The following CNGA1 variants were observed in gnomAD, a reference collection of about 807,000 sequenced individuals.
CNGA1 encodes the protein cyclic nucleotide gated channel subunit alpha 1.
Under a neutral mutation model 69.7 loss-of-function variants are expected in CNGA1, and 53 were observed. That is an observed-to-expected ratio of 0.76 (90% CI 0.61 to 0.96). The LOEUF is 0.96. Among genes scored for constraint, CNGA1 ranks in the 40% least tolerant of loss-of-function variants. The pLI is 0.00. For synonymous variants in CNGA1, 249 were observed against 283.5 expected (o/e 0.88, Z 1.22); for missense variants, 739 against 811.2 (o/e 0.91, Z 1.08).
At chr4:47,974,857 T>G (rs963218814) in intron 3 of CNGA1, among the ~76,000 whole-genome samples, 1 of 152,194 alleles carries the variant, frequency 6.6e-6, no homozygotes, top group Non-Finnish European at 1.5e-5. Flanking sequence ...CCCTAGCTCT[T>G]TAGCAAATTA....
chr4:47,980,713 A>T (rs1741661395), intron 3 of CNGA1, among the ~76,000 whole-genome samples: 1 of 151,998 alleles, frequency 6.6e-6, no homozygotes, highest in South Asian at 2.1e-4. Context: ...GGGCTCAAGG[A>T]TCTACCTACT....
chr4:47,954,905 C>T (rs1397795866), intron 3 of CNGA1, among the ~76,000 whole-genome samples: 1 of 152,108 alleles, frequency 6.6e-6, no homozygotes, highest in Non-Finnish European at 1.5e-5. Flanking sequence ...ACTCCATGGG[C>T]CCAGGGACCT....
intron 2 of CNGA1, among the ~76,000 whole-genome samples, chr4:47,991,818 T>C (rs1203557763): frequency 2.0e-5 from 3 of 152,214 alleles, no homozygotes; most frequent in African/African-American, 7.2e-5. Context: ...TTTAAGTCTT[T>C]AATCCATCTT....
At chr4:47,982,912 C>A (rs1327701788) in intron 2 of CNGA1, among the ~76,000 whole-genome samples, 1 of 152,160 alleles carries the variant, frequency 6.6e-6, no homozygotes, top group African/African-American at 2.4e-5. Flanking sequence ...TCAAGCAATT[C>A]TCCTGCCTCA....
intron 2 of CNGA1, among the ~76,000 whole-genome samples, chr4:48,002,683 CAA>C (rs34405949): frequency 0.53 from 61,798 of 117,232 alleles, 16,256 homozygotes; most frequent in Non-Finnish European, 0.66. Flanking sequence ...GTCAGACATG[CAA>C]AAAAAAAAAA....
intron 3 of CNGA1, among the ~76,000 whole-genome samples, chr4:47,964,531 C>T (rs1740623041): frequency 1.3e-5 from 2 of 151,824 alleles, no homozygotes; most frequent in East Asian, 3.9e-4. Flanking sequence ...AATATTTTCC[C>T]CACTTGTTTT....
chr4:47,996,135 G>A (rs1054140286), intron 2 of CNGA1, among the ~76,000 whole-genome samples: 2 of 152,124 alleles, frequency 1.3e-5, no homozygotes, highest in African/African-American at 4.8e-5. Flanking sequence ...TCATTCTGGT[G>A]CAAAAATTCA....
intron 10 of CNGA1, among the ~76,000 whole-genome samples, chr4:47,938,691 C>G (rs953170836): frequency 6.6e-5 from 10 of 152,048 alleles, no homozygotes; most frequent in Non-Finnish European, 1.3e-4. Flanking sequence ...GAGCGCGGCC[C>G]TAAGTCCATC....
chr4:47,993,248 G>A (rs1181692865), intron 2 of CNGA1, among the ~76,000 whole-genome samples: 4 of 152,090 alleles, frequency 2.6e-5, no homozygotes, highest in Middle Eastern at 3.2e-3. Context: ...TTGTGGAATA[G>A]TGTCAGTAGA....
At chr4:47,939,222 G>C (rs542646590) in intron 10 of CNGA1, among the ~76,000 whole-genome samples, 1 of 152,276 alleles carries the variant, frequency 6.6e-6, no homozygotes, top group Admixed American at 6.5e-5. Flanking sequence ...ACTGGAGACT[G>C]AGTTAATAGT....
intron 3 of CNGA1, among the ~76,000 whole-genome samples, chr4:47,977,108 G>T (rs1290285971): frequency 6.6e-6 from 1 of 152,194 alleles, no homozygotes; most frequent in Non-Finnish European, 1.5e-5. Flanking sequence ...GGTGTTACAG[G>T]CTGAATTGTG....
At chr4:47,983,496 C>T (rs1387305831) in intron 2 of CNGA1, among the ~76,000 whole-genome samples, 5 of 151,620 alleles carry the variant, frequency 3.3e-5, no homozygotes, top group South Asian at 2.1e-4. Context: ...AGGCTGAGGT[C>T]GGAGAATCAC....
At chr4:47,991,152 CT>C (rs1742247245) in intron 2 of CNGA1, among the ~76,000 whole-genome samples, 1 of 152,062 alleles carries the variant, frequency 6.6e-6, no homozygotes, top group Non-Finnish European at 1.5e-5. Flanking sequence ...ATAACAACTT[CT>C]TTTCCCCTGG....
chr4:47,975,978 C>T (rs1041187734), intron 3 of CNGA1, among the ~76,000 whole-genome samples: 2 of 150,928 alleles, frequency 1.3e-5, no homozygotes, highest in Non-Finnish European at 3.0e-5. Context: ...TAGGGTTCCT[C>T]ACCCCAATAT....
chr4:48,004,845 C>T (rs1714843725), intron 2 of CNGA1, among the ~76,000 whole-genome samples: 1 of 137,304 alleles, frequency 7.3e-6, no homozygotes, highest in African/African-American at 2.8e-5. Context: ...GCTTAGTTTT[C>T]AGTGACTCCA....
chr4:47,938,210 A>G (rs935442268), intron 10 of CNGA1, among the ~76,000 whole-genome samples: 1 of 151,774 alleles, frequency 6.6e-6, no homozygotes, highest in African/African-American at 2.4e-5. Context: ...AAAAAGAAAA[A>G]TTTTGTAAGT....
chr4:47,958,203 T>C (rs1352143753), intron 3 of CNGA1, among the ~76,000 whole-genome samples: 1 of 152,182 alleles, frequency 6.6e-6, no homozygotes, highest in African/African-American at 2.4e-5. Flanking sequence ...GTAATTTTTA[T>C]ATACACCTCT....
rs1715387577 is a variant in CNGA1, at chr4:48,016,484, T to G, written c.-224A>C. ...ACTCCACTCAATTCCCGGAGTTACCTTGGCGGGCTCCACGCTCCGAGAGAC... is the reference window on the plus strand; with the variant it reads ...ACTCCACTCAATTCCCGGAGTTACCGTGGCGGGCTCCACGCTCCGAGAGAC... On this transcript the variant is annotated splice_region_variant and 5_prime_UTR_variant, in exon 1 of 11. Coordinates refer to ENST00000514170, the MANE Select transcript of CNGA1 (RefSeq NM_001379270.1). 3.0e-6 allele frequency: 1 copy of G among 333,374 alleles called. No homozygotes were observed. The highest frequency in any genetic ancestry group is 4.7e-5 in the South Asian group (1 of 21,406). 20.7% of individuals were successfully genotyped at this position (333,374 alleles called of 1,614,324 possible).
At chr4:47,952,978 A>T (rs1739837562) in intron 3 of CNGA1, among the ~76,000 whole-genome samples, 1 of 152,200 alleles carries the variant, frequency 6.6e-6, no homozygotes, top group Non-Finnish European at 1.5e-5. Context: ...CCCTTTATAA[A>T]ACCATCAGAT....
Sources: allele counts gnomAD v4.1 joint callset (sites outside exome capture counted in the v4.1 genomes callset), GRCh38; gene constraint gnomAD v4.1.1; transcripts MANE v1.5; gene names NCBI Gene and HGNC (gene_info 2026-07-23, HGNC 2026-07-21).